The following ZHX3 variants were observed in gnomAD, a reference collection of about 807,000 sequenced individuals.
ZHX3 encodes zinc fingers and homeoboxes protein 3.
ZHX3 carries 20 observed loss-of-function variants against 64.5 expected under a neutral mutation model. The ratio of observed to expected loss-of-function variants is 0.31; its 90% CI spans 0.22 to 0.45. The LOEUF is 0.45. Among genes scored for constraint, ZHX3 ranks in the 20% least tolerant of loss-of-function variants. The probability of loss-of-function intolerance (pLI) is 1.00; values close to 1 mark genes in which losing one functional copy is unlikely to be tolerated. For missense variants in ZHX3, 1,041 were observed against 1,195.8 expected (o/e 0.87, Z 1.91); for synonymous variants, 423 against 461.6 (o/e 0.92, Z 1.07).
intron 2 of ZHX3, chr20:41,267,620 A>T (rs1205482206): frequency 6.6e-6 from 1 of 152,242 alleles, no homozygotes; most frequent in Non-Finnish European, 1.5e-5. Context: ...ATGCTATAGA[A>T]AAAATAGAGA....
intron 1 of ZHX3, among the ~76,000 whole-genome samples, chr20:41,289,720 A>G (rs562079927): frequency 7.9e-5 from 12 of 151,470 alleles, no homozygotes; most frequent in Non-Finnish European, 1.0e-4. Context: ...AACATAATCC[A>G]AGGTGCCAAT....
At chr20:41,272,972 A>T (rs2043215949) in intron 1 of ZHX3, among the ~76,000 whole-genome samples, 1 of 152,176 alleles carries the variant, frequency 6.6e-6, no homozygotes, top group Non-Finnish European at 1.5e-5. Flanking sequence ...CAGTGGCTTC[A>T]ACATTTTACA....
intron 2 of ZHX3, among the ~76,000 whole-genome samples, chr20:41,220,970 T>C (rs748449505): frequency 3.3e-5 from 5 of 152,070 alleles, no homozygotes; most frequent in Non-Finnish European, 5.9e-5. Context: ...ATTACAGGCA[T>C]AGCCACTGTG....
chr20:41,259,174 C>G (rs774160352), intron 2 of ZHX3, among the ~76,000 whole-genome samples: 11 of 152,126 alleles, frequency 7.2e-5, no homozygotes, highest in Non-Finnish European at 1.6e-4. Context: ...CCACCATGGA[C>G]TTTGGGCAAG....
intron 2 of ZHX3, among the ~76,000 whole-genome samples, chr20:41,249,638 AT>A (rs1230508243): frequency 3.3e-5 from 5 of 152,188 alleles, no homozygotes; most frequent in Non-Finnish European, 5.9e-5. Flanking sequence ...ACAAAGTCTA[AT>A]CTACTCACCA....
At chr20:41,194,197 C>T (rs1239712564) in intron 3 of ZHX3, among the ~76,000 whole-genome samples, 1 of 151,988 alleles carries the variant, frequency 6.6e-6, no homozygotes, top group African/African-American at 2.4e-5. Flanking sequence ...TCGGTCTTTC[C>T]CCATTGTTGA....
chr20:41,221,919 G>A (rs1406609421), intron 2 of ZHX3, among the ~76,000 whole-genome samples: 4 of 152,238 alleles, frequency 2.6e-5, no homozygotes, highest in African/African-American at 9.6e-5. Flanking sequence ...CAAGGTCAAA[G>A]AGGCTGTGGT....
chr20:41,291,967 A>T (rs1055209298), intron 1 of ZHX3, among the ~76,000 whole-genome samples: 1 of 145,610 alleles, frequency 6.9e-6, no homozygotes, highest in Admixed American at 7.1e-5. Context: ...CGCTTGAGCC[A>T]GGAGAGTTCA....
intron 1 of ZHX3, among the ~76,000 whole-genome samples, chr20:41,314,734 A>G (rs1250523049): frequency 6.6e-6 from 1 of 152,254 alleles, no homozygotes; most frequent in Admixed American, 6.5e-5. Flanking sequence ...TAGATGAGAA[A>G]GAAATATCCT....
intron 3 of ZHX3, among the ~76,000 whole-genome samples, chr20:41,186,651 G>A (rs959368545): frequency 6.6e-6 from 1 of 152,056 alleles, no homozygotes; most frequent in Non-Finnish European, 1.5e-5. Context: ...CTCCCAACAC[G>A]TTGTTTTCTC....
At position 41,212,872 on chromosome 20, in the gene ZHX3, A is replaced by C. The variant is rs1396914238; in HGVS notation, c.-150-7806T>G. Among the ~76,000 whole-genome samples the C allele has an allele frequency of 6.6e-6, 1 of 152,188 alleles. No individual in the cohort carries two copies. Among genetic ancestry groups the C allele is most frequent in the Non-Finnish European group, 1.5e-5 (1 of 68,034 alleles). On this transcript the variant is annotated intron_variant, in intron 2 of 3. Coordinates refer to ENST00000683867, the MANE Select transcript of ZHX3 (RefSeq NM_001384317.1). The surrounding 1 kb of genome is among the most constrained non-coding windows in gnomAD (Gnocchi z 4.3). ...CAATTTAATTCCTAAGTATATACAC[A>C]GTATAAATAAAAACATGTCCACCCC...
chr20:41,216,494 C>A (rs1479190211), intron 2 of ZHX3, among the ~76,000 whole-genome samples: 2 of 152,022 alleles, frequency 1.3e-5, no homozygotes, highest in Admixed American at 1.3e-4. Context: ...CTATTTTGAC[C>A]CTGAGTTTTC....
chr20:41,233,459 C>A (rs6102315), intron 2 of ZHX3, among the ~76,000 whole-genome samples: 1 of 152,132 alleles, frequency 6.6e-6, no homozygotes, highest in Admixed American at 6.5e-5. Context: ...TCTTTTGCAG[C>A]CCTCTCAGTA....
chr20:41,298,444 T>C (rs957286590), intron 1 of ZHX3, among the ~76,000 whole-genome samples: 1 of 152,232 alleles, frequency 6.6e-6, no homozygotes, highest in East Asian at 1.9e-4. Flanking sequence ...AAGTCTCCTC[T>C]AGCTGGAAAT....
chr20:41,213,919 T>TA (rs1471088915), intron 2 of ZHX3: 3 of 151,976 alleles, frequency 2.0e-5, no homozygotes, highest in Admixed American at 2.0e-4. Context: ...ATAGAAATTG[T>TA]AAAAAATTAG....
At chr20:41,234,106 C>A (rs966456869) in intron 2 of ZHX3, among the ~76,000 whole-genome samples, 1 of 152,134 alleles carries the variant, frequency 6.6e-6, no homozygotes, top group Non-Finnish European at 1.5e-5. Flanking sequence ...CCTCTGATAC[C>A]CTTCTTGGTG....
intron 2 of ZHX3, among the ~76,000 whole-genome samples, chr20:41,251,257 G>C (rs2041979089): frequency 6.6e-6 from 1 of 151,962 alleles, no homozygotes; most frequent in Non-Finnish European, 1.5e-5. Context: ...TCTACCCTGG[G>C]CAACATAGCA....
Position 41,227,336 on chromosome 20 carries a change from C to T in ZHX3, c.-150-22270G>A, listed in dbSNP as rs139954095. 5.4e-3 allele frequency among the ~76,000 whole-genome samples: 826 copies of T among 152,302 alleles called. 8 individuals are homozygous for T. Among genetic ancestry groups the T allele is most frequent in the African/African-American group, 0.017 (698 of 41,556 alleles). ...GAGGAATAGTGCTCAGTACCTGAGCCTTCTCTAATCTAAAACGCAATAAAG... is the reference window on the plus strand; with the variant it reads ...GAGGAATAGTGCTCAGTACCTGAGCTTTCTCTAATCTAAAACGCAATAAAG... On this transcript the variant is annotated intron_variant, in intron 2 of 3. Coordinates refer to ENST00000683867, the MANE Select transcript of ZHX3 (RefSeq NM_001384317.1).
rs976165726 is a variant in ZHX3 at position 41,232,599 on chromosome 20, CT to C, written c.-150-27534del. On this transcript the variant is annotated intron_variant, in intron 2 of 3. Coordinates refer to ENST00000683867, the MANE Select transcript of ZHX3 (RefSeq NM_001384317.1). This position sits in a 1 kb window ranked among gnomAD's most constrained non-coding sequence, Gnocchi z 5.0. ...TGTCTTCTAATCTAGGAAAATTCTT[CT>C]TTTTTTTTTGAGACGGAGTCTCGCT... Among the ~76,000 whole-genome samples, 8 of 149,698 alleles carry C rather than the reference CT, an allele frequency of 5.3e-5. No individual in the cohort carries two copies. Among genetic ancestry groups the C allele is most frequent in the East Asian group, 2.0e-4 (1 of 5,110 alleles).
Sources: gnomAD v4.1 joint callset for allele counts (sites outside exome capture counted in the v4.1 genomes callset) on GRCh38, gnomAD v4.1.1 for gene constraint, Gnocchi (gnomAD v3.1) non-coding constraint, MANE v1.5 for transcripts, NCBI Gene and HGNC (gene_info 2026-07-23, HGNC 2026-07-21) for gene names.